The following GALNT13 variants were observed in gnomAD, a reference collection of about 807,000 sequenced individuals.
GALNT13 encodes UDP-GalNAc:polypeptide N-acetylgalactosaminyltransferase 13.
A neutral mutation model predicts 64.2 loss-of-function variants in GALNT13; 28 were observed. The ratio of observed to expected loss-of-function variants is 0.44; its 90% CI spans 0.32 to 0.60. The LOEUF (loss-of-function observed/expected upper bound fraction) is 0.60, where lower values mean the gene tolerates loss of function less well. Among genes scored for constraint, GALNT13 ranks in the 20% least tolerant of loss-of-function variants. The pLI is 0.05. For missense variants in GALNT13, 577 were observed against 669.8 expected, an observed-to-expected ratio of 0.86 and a Z score of 1.53; for synonymous variants, 214 against 224.6, an observed-to-expected ratio of 0.95 and a Z score of 0.42.
chr2:153,429,387 T>G, the GALNT13 span, among the ~76,000 whole-genome samples: 1 of 152,330 alleles, frequency 6.6e-6, no homozygotes, highest in East Asian at 1.9e-4. Context: ...TTTAATATGA[T>G]TTTTGTCTAT....
Position 154,218,934 on chromosome 2 carries a change from G to A in GALNT13, c.312-23096G>A, listed in dbSNP as rs975826256. 3.9e-5 allele frequency among the ~76,000 whole-genome samples: 6 copies of A among 152,070 alleles called. 1 individual carries two copies. The South Asian group carries it at 1.2e-3, about 32-fold the overall frequency. On this transcript the variant is annotated intron_variant, in intron 4 of 12. Coordinates refer to ENST00000392825, the MANE Select transcript of GALNT13 (RefSeq NM_052917.4). ...TTGTCTTGCATCTAACCAAGTCAGA[G>A]TGTGCCCTACAGTTATGCCTAAGTG... is the stretch of plus-strand genomic sequence containing the variant.
intron 4 of GALNT13, among the ~76,000 whole-genome samples, chr2:154,166,919 T>C (rs1685059587): frequency 6.6e-6 from 1 of 151,824 alleles, no homozygotes. Context: ...TAGGTGGGAA[T>C]TGAACAATGA....
the GALNT13 span, among the ~76,000 whole-genome samples, chr2:153,676,933 G>C: frequency 2.0e-5 from 3 of 151,956 alleles, no homozygotes; most frequent in East Asian, 1.9e-4. Context: ...TACCGAATGG[G>C]CAAAAGCCAG....
intron 8 of GALNT13, among the ~76,000 whole-genome samples, chr2:154,271,417 G>A (rs747392044): frequency 6.6e-6 from 1 of 151,794 alleles, no homozygotes; most frequent in Non-Finnish European, 1.5e-5. Flanking sequence ...TTTAGAAGAT[G>A]GTAAAACAAA....
At chr2:154,174,725 C>T (rs1184625514) in intron 4 of GALNT13, among the ~76,000 whole-genome samples, 1 of 152,070 alleles carries the variant, frequency 6.6e-6, no homozygotes, top group Non-Finnish European at 1.5e-5. Context: ...TTACATTTCT[C>T]ATTGGGAAAT....
chr2:153,743,849 T>C, the GALNT13 span, among the ~76,000 whole-genome samples: 4 of 152,136 alleles, frequency 2.6e-5, no homozygotes, highest in Admixed American at 6.6e-5. Flanking sequence ...TCCAGCCATC[T>C]TTCTTTCTAC....
the GALNT13 span, among the ~76,000 whole-genome samples, chr2:153,524,070 T>G: frequency 6.6e-6 from 1 of 152,206 alleles, no homozygotes; most frequent in Non-Finnish European, 1.5e-5. Flanking sequence ...GTGTTTTTGT[T>G]TGTTTGTTTT....
chr2:153,724,981 A>G, the GALNT13 span, among the ~76,000 whole-genome samples: 1 of 151,678 alleles, frequency 6.6e-6, no homozygotes, highest in Non-Finnish European at 1.5e-5. Context: ...ACTATAAATC[A>G]TGCTGCTATA....
the GALNT13 span, among the ~76,000 whole-genome samples, chr2:153,330,872 C>G: frequency 6.6e-6 from 1 of 152,162 alleles, no homozygotes; most frequent in Non-Finnish European, 1.5e-5. Context: ...CAAGGGAATG[C>G]TTTCAACTTT....
At chr2:153,336,822 C>T in the GALNT13 span, among the ~76,000 whole-genome samples, 2 of 152,156 alleles carry the variant, frequency 1.3e-5, no homozygotes, top group East Asian at 3.9e-4. Context: ...ATCCAAATCT[C>T]AGCTTGAATT....
At chr2:153,768,255 C>T in the GALNT13 span, among the ~76,000 whole-genome samples, 3 of 152,058 alleles carry the variant, frequency 2.0e-5, no homozygotes, top group Admixed American at 6.6e-5. Context: ...ATGAAAAGAA[C>T]GTATATTCTG....
chr2:153,569,590 C>A, the GALNT13 span, among the ~76,000 whole-genome samples: 2 of 151,372 alleles, frequency 1.3e-5, no homozygotes, highest in Non-Finnish European at 2.9e-5. Context: ...TTATGGGGTA[C>A]ATGAGATGTT....
chr2:154,346,325 C>T (rs1051683176), intron 9 of GALNT13, among the ~76,000 whole-genome samples: 6 of 151,962 alleles, frequency 3.9e-5, no homozygotes, highest in East Asian at 1.9e-4. Context: ...AACCATCTGT[C>T]CTCTCTCTCA....
At chr2:154,141,227 G>T (rs1159557905) in intron 4 of GALNT13, among the ~76,000 whole-genome samples, 2 of 152,188 alleles carry the variant, frequency 1.3e-5, no homozygotes, top group Middle Eastern at 3.4e-3. Flanking sequence ...TACGCTACTT[G>T]TAGACTTTAT....
At chr2:153,826,216 G>A in the GALNT13 span, among the ~76,000 whole-genome samples, 1 of 152,162 alleles carries the variant, frequency 6.6e-6, no homozygotes, top group Non-Finnish European at 1.5e-5. Flanking sequence ...ATCACATGAT[G>A]AGGGGGCTGA....
At chr2:153,362,612 T>G in the GALNT13 span, among the ~76,000 whole-genome samples, 1 of 139,264 alleles carries the variant, frequency 7.2e-6, no homozygotes, top group African/African-American at 2.7e-5. Context: ...CTAAACAGAC[T>G]TTAAACCAAC....
At chr2:153,313,461 C>T in the GALNT13 span, among the ~76,000 whole-genome samples, 1 of 151,774 alleles carries the variant, frequency 6.6e-6, no homozygotes, top group African/African-American at 2.4e-5. Flanking sequence ...AAAACCAGTA[C>T]CACATGTTCT....
At chr2:153,084,071 T>C in the GALNT13 span, among the ~76,000 whole-genome samples, 133 of 152,298 alleles carry the variant, frequency 8.7e-4, 2 homozygotes, top group East Asian at 0.022. Flanking sequence ...ATTTCTGGGT[T>C]CTCTATTCTG....
chr2:154,243,034 C>T, intron 6 of GALNT13, 129 bp downstream of exon 6: 1 of 664,058 alleles, frequency 1.5e-6, no homozygotes, highest in Non-Finnish European at 2.5e-6. Context: ...TTCTTAAAAG[C>T]ACGTTTTCCC....
Sources: allele counts gnomAD v4.1 joint callset (sites outside exome capture counted in the v4.1 genomes callset), GRCh38; gene constraint gnomAD v4.1.1; transcripts MANE v1.5; gene names NCBI Gene and HGNC (gene_info 2026-07-23, HGNC 2026-07-21).